UVRAG: variants seen among roughly 807,000 people sequenced by gnomAD.
UVRAG encodes UV radiation resistance associated, also known as UV radiation resistance-associated gene protein.
A neutral mutation model predicts 78.0 loss-of-function variants in UVRAG; 19 were observed. The ratio of observed to expected loss-of-function variants is 0.24; its 90% CI spans 0.17 to 0.36. UVRAG has a LOEUF of 0.36. Among genes scored for constraint, UVRAG ranks in the 10% least tolerant of loss-of-function variants. The pLI is 1.00. For synonymous variants in UVRAG, 323 were observed against 324.6 expected, an observed-to-expected ratio of 1.00 and a Z score of 0.05; for missense variants, 740 against 853.8, an observed-to-expected ratio of 0.87 and a Z score of 1.66.
intron 6 of UVRAG, among the ~76,000 whole-genome samples, chr11:75,920,007 G>GTTTT (rs1947940041): frequency 1.4e-5 from 1 of 72,730 alleles, no homozygotes; most frequent in East Asian, 4.8e-4. Flanking sequence ...AAATAATTTT[G>GTTTT]GTTTTTTTTT....
chr11:75,856,084 G>T (rs1299927102), intron 2 of UVRAG, among the ~76,000 whole-genome samples: 1 of 152,114 alleles, frequency 6.6e-6, no homozygotes, highest in East Asian at 1.9e-4. Context: ...CCGCCTCCTG[G>T]GTTCAGACCA....
At chr11:76,086,288 C>G (rs1951587922) in intron 13 of UVRAG, among the ~76,000 whole-genome samples, 1 of 152,092 alleles carries the variant, frequency 6.6e-6, no homozygotes, top group Non-Finnish European at 1.5e-5. Context: ...TCACTCCTGC[C>G]CTAAAGTGGG....
At chr11:75,942,672 TA>T (rs1230261398) in intron 6 of UVRAG, among the ~76,000 whole-genome samples, 1 of 152,190 alleles carries the variant, frequency 6.6e-6, no homozygotes, top group African/African-American at 2.4e-5. Flanking sequence ...AAGTGTACAT[TA>T]AACACTTGCT....
rs149707489 is a variant in UVRAG, at chr11:76,023,145, T to C, written c.1226+6165T>C. ...TGTCTTTTTTATTTACATATGTAAT[T>C]ACCTTTTCTGGATTTTTATTTCTTT... On this transcript the variant is annotated intron_variant, in intron 12 of 14. Coordinates refer to ENST00000356136, the MANE Select transcript of UVRAG (RefSeq NM_003369.4). 3.9e-3 allele frequency among the ~76,000 whole-genome samples: 590 copies of C among 152,276 alleles called. 1 individual carries two copies. The highest frequency in any genetic ancestry group is 0.01 in the Middle Eastern group (3 of 294).
At chr11:75,933,182 A>G (rs1044038191) in intron 6 of UVRAG, among the ~76,000 whole-genome samples, 7 of 152,218 alleles carry the variant, frequency 4.6e-5, no homozygotes, top group African/African-American at 1.4e-4. Context: ...GGAACAGAAT[A>G]AAGAACGCAG....
At chr11:75,860,481 A>G (rs1027783815) in intron 2 of UVRAG, among the ~76,000 whole-genome samples, 2 of 152,214 alleles carry the variant, frequency 1.3e-5, no homozygotes, top group Non-Finnish European at 2.9e-5. Context: ...CTGTAATAAA[A>G]AACAATAGTT....
chr11:76,124,394 T>G (rs1431432099), intron 14 of UVRAG, among the ~76,000 whole-genome samples: 1 of 152,218 alleles, frequency 6.6e-6, no homozygotes, highest in Non-Finnish European at 1.5e-5. Context: ...AGGACATGAC[T>G]TGCAGGAATA....
At chr11:75,902,301 T>G (rs1947521534) in intron 5 of UVRAG, among the ~76,000 whole-genome samples, 1 of 152,188 alleles carries the variant, frequency 6.6e-6, no homozygotes, top group East Asian at 1.9e-4. Flanking sequence ...GATGAAACTG[T>G]TCCACCTCAG....
At position 76,015,487 on chromosome 11, in the gene UVRAG, G is replaced by C. The variant is rs116230897; in HGVS notation, c.1061-1328G>C. Among the ~76,000 whole-genome samples, 1,379 of 152,172 alleles carry C rather than the reference G, an allele frequency of 9.1e-3. 22 individuals carry two copies. The highest frequency in any genetic ancestry group is 0.032 in the African/African-American group (1,311 of 41,548). On this transcript the variant is annotated intron_variant, in intron 11 of 14. Coordinates refer to ENST00000356136, the MANE Select transcript of UVRAG (RefSeq NM_003369.4). ...TTCCTTAATCTCTGAGCCTTAGTTT[G>C]TTTATCTGTAAAAGGAATGCAATAG...
At position 76,141,090 on chromosome 11, in the gene UVRAG, C is replaced by G. The variant is rs759030935; in HGVS notation, c.1777C>G (p.Arg593Gly). The G allele has an allele frequency of 3.7e-6, 6 of 1,614,038 alleles. No homozygotes were observed. The Admixed American group carries it at 1.0e-4, about 27-fold the overall frequency. The change falls in exon 15 of 15, where the codon CGG (arginine) becomes GGG (glycine). Residue 593 changes from arginine (R) to glycine (G), a missense_variant. By Grantham distance (125) the Arg-to-Gly change is moderately radical. Transcript: ENST00000356136. ...QEQGEALSGH[R>G]ATVNGTLLPS... ...ACAAGGAGAAGCCCTCTCCGGGCACCGGGCCACAGTCAATGGCACTCTCCT... is the reference window on the plus strand; with the variant it reads ...ACAAGGAGAAGCCCTCTCCGGGCACGGGGCCACAGTCAATGGCACTCTCCT...
At chr11:75,980,619 C>T (rs1042363211) in intron 7 of UVRAG, among the ~76,000 whole-genome samples, 2 of 150,892 alleles carry the variant, frequency 1.3e-5, no homozygotes, top group Non-Finnish European at 3.0e-5. Context: ...TTGTGATAAC[C>T]CCTCTTTCTT....
At chr11:76,025,008 G>A (rs1195796431) in intron 12 of UVRAG, among the ~76,000 whole-genome samples, 1 of 152,174 alleles carries the variant, frequency 6.6e-6, no homozygotes, top group Non-Finnish European at 1.5e-5. Flanking sequence ...CACTTGAGAT[G>A]TTAAAGTTCA....
intron 14 of UVRAG, chr11:76,137,265 C>A (rs566797051): frequency 2.2e-6 from 1 of 451,986 alleles, no homozygotes; most frequent in South Asian, 1.6e-5. Flanking sequence ...GGCACTGATT[C>A]AACCACCCAC....
chr11:75,981,853 T>G (rs1949401896), intron 7 of UVRAG, among the ~76,000 whole-genome samples: 1 of 152,200 alleles, frequency 6.6e-6, no homozygotes, highest in South Asian at 2.1e-4. Context: ...TTTGTTATTT[T>G]TTGTTCTAAA....
intron 4 of UVRAG, among the ~76,000 whole-genome samples, chr11:75,885,792 A>G: frequency 6.6e-6 from 1 of 152,206 alleles, no homozygotes; most frequent in Non-Finnish European, 1.5e-5. Context: ...AATATGATAC[A>G]GCCAGTTTTG....
chr11:75,854,893 T>C (rs1275471461), intron 2 of UVRAG, among the ~76,000 whole-genome samples: 1 of 152,220 alleles, frequency 6.6e-6, no homozygotes, highest in Non-Finnish European at 1.5e-5. Context: ...TGTATGACAG[T>C]GCCAGAGTAT....
intron 1 of UVRAG, among the ~76,000 whole-genome samples, chr11:75,832,799 G>A (rs1002282572): frequency 1.2e-4 from 19 of 152,192 alleles, no homozygotes; most frequent in African/African-American, 4.6e-4. Context: ...TATCTCATTA[G>A]CATGCAAAAG....
intron 6 of UVRAG, among the ~76,000 whole-genome samples, chr11:75,951,326 TGTGTGTGTGTG>T (rs1371345204): frequency 1.2e-3 from 4 of 3,466 alleles, no homozygotes; most frequent in Non-Finnish European, 9.2e-3. Context: ...TAATCTGAAA[TGTGTGTGTGTG>T]TGTGTGTGTG....
chr11:75,848,385 T>C (rs573490452), intron 1 of UVRAG, among the ~76,000 whole-genome samples: 1 of 152,328 alleles, frequency 6.6e-6, no homozygotes, highest in East Asian at 1.9e-4. Context: ...TTTATGGAGT[T>C]TGTTTTTTGT....
Sources: gnomAD v4.1 joint callset for allele counts (sites outside exome capture counted in the v4.1 genomes callset) on GRCh38, gnomAD v4.1.1 for gene constraint, MANE v1.5 for transcripts, NCBI Gene and HGNC (gene_info 2026-07-23, HGNC 2026-07-21) for gene names.